NCAM2: variants seen among roughly 807,000 people sequenced by gnomAD.
NCAM2 encodes the protein N-CAM-2.
In NCAM2, 30 loss-of-function variants were observed where a neutral mutation model predicts 98.1. The ratio of observed to expected loss-of-function variants is 0.31; its 90% confidence interval spans 0.23 to 0.41. The LOEUF is 0.41. NCAM2 is among the 10% of genes least tolerant of loss of function. NCAM2 has a pLI of 1.00. For synonymous variants in NCAM2, 368 were observed against 342.4 expected, an observed-to-expected ratio of 1.07 and a Z score of -0.83; for missense variants, 867 against 1,005.8, an observed-to-expected ratio of 0.86 and a Z score of 1.87.
In NCAM2 at chr21:21,534,439, G is replaced by A. The variant is rs1224904265; in HGVS notation, c.2283-98G>A. On this transcript the variant is annotated intron_variant, in intron 16 of 17. Coordinates refer to ENST00000400546, the MANE Select transcript of NCAM2 (RefSeq NM_004540.5). Reference sequence around the variant, plus strand: ...TAAATTAACCAAGTTGGATTTATTTGGAGGAAGGTAGAATTGGGTGATTTT... The same window carrying A: ...TAAATTAACCAAGTTGGATTTATTTAGAGGAAGGTAGAATTGGGTGATTTT... 17 of 1,016,520 alleles carry A rather than the reference G, an allele frequency of 1.7e-5. No homozygotes were observed. In the South Asian group the frequency reaches 2.1e-4, roughly 13 times the overall value. 63.0% of individuals were successfully genotyped at this position (1,016,520 alleles called of 1,614,324 possible). A position where few individuals can be genotyped will look rare whatever the true frequency, so the allele number is the denominator to read the frequency against.
intron 1 of NCAM2, among the ~76,000 whole-genome samples, chr21:21,161,561 T>TTG (rs35510967): frequency 0.014 from 2,027 of 149,514 alleles, 51 homozygotes; most frequent in African/African-American, 0.046. Context: ...GTGCTCTCAT[T>TTG]TGTGTGTGTG....
At chr21:21,532,369 G>C (rs565263900) in intron 16 of NCAM2, among the ~76,000 whole-genome samples, 1 of 151,938 alleles carries the variant, frequency 6.6e-6, no homozygotes, top group African/African-American at 2.4e-5. Context: ...TATCTGTGTA[G>C]AATGTCTCTG....
At chr21:21,265,147 T>G (rs1446118766) in intron 1 of NCAM2, among the ~76,000 whole-genome samples, 1 of 118,968 alleles carries the variant, frequency 8.4e-6, no homozygotes, top group Non-Finnish European at 1.6e-5. Context: ...ATATAATATA[T>G]ATACATATAT....
chr21:21,421,449 ATTTG>A, intron 11 of NCAM2, among the ~76,000 whole-genome samples: 1 of 152,242 alleles, frequency 6.6e-6, no homozygotes, highest in East Asian at 1.9e-4. Flanking sequence ...CAGGCTAAGA[ATTTG>A]TTTTAGAAAA....
chr21:21,082,583 A>G (rs567013879), intron 1 of NCAM2, among the ~76,000 whole-genome samples: 1 of 152,276 alleles, frequency 6.6e-6, no homozygotes, highest in Admixed American at 6.5e-5. Context: ...TACCACTGCT[A>G]TTACATCATT....
At chr21:21,236,710 T>C (rs998755945) in intron 1 of NCAM2, among the ~76,000 whole-genome samples, 2 of 152,106 alleles carry the variant, frequency 1.3e-5, no homozygotes, top group Non-Finnish European at 2.9e-5. Flanking sequence ...GGTAACTTCA[T>C]AGGTCCTCTC....
chr21:21,396,770 G>A (rs184534707), intron 9 of NCAM2, among the ~76,000 whole-genome samples: 136 of 152,276 alleles, frequency 8.9e-4, no homozygotes, highest in African/African-American at 2.9e-3. Context: ...AGTGGTGCCC[G>A]AAAGCTCAGA....
rs1048290221 is a variant in NCAM2, at chr21:21,003,845, G to A, written c.55+5227G>A. Among the ~76,000 whole-genome samples the A allele has an allele frequency of 5.9e-5, 9 of 152,190 alleles. No homozygotes were observed. In the South Asian group the frequency reaches 8.3e-4, roughly 14 times the overall value. ...AGACAGCATTACTAGGAATGGTTGC[G>A]TAGATTGTGTGAAGAACAACTCCAG... is the stretch of plus-strand genomic sequence containing the variant. On this transcript the variant is annotated intron_variant, in intron 1 of 17. Transcript: ENST00000400546.
At chr21:21,283,084 T>C (rs1396620905) in intron 2 of NCAM2, among the ~76,000 whole-genome samples, 1 of 151,940 alleles carries the variant, frequency 6.6e-6, no homozygotes, top group Non-Finnish European at 1.5e-5. Context: ...AATGCATTAC[T>C]CTGTAACAAC....
At chr21:21,482,225 G>A (rs1358611036) in intron 15 of NCAM2, among the ~76,000 whole-genome samples, 1 of 152,100 alleles carries the variant, frequency 6.6e-6, no homozygotes, top group African/African-American at 2.4e-5. Context: ...TCTAGGTTTT[G>A]TGAGGCAATT....
chr21:21,264,581 T>C (rs1023270917), intron 1 of NCAM2, among the ~76,000 whole-genome samples: 2 of 151,580 alleles, frequency 1.3e-5, no homozygotes, highest in Non-Finnish European at 3.0e-5. Context: ...ATAGAAAAGT[T>C]ATAGAATCAA....
At chr21:21,227,289 C>A (rs2070426083) in intron 1 of NCAM2, among the ~76,000 whole-genome samples, 2 of 151,628 alleles carry the variant, frequency 1.3e-5, no homozygotes. Context: ...AAAATGTTCA[C>A]CTAGATCACT....
intron 11 of NCAM2, among the ~76,000 whole-genome samples, chr21:21,431,470 C>T (rs1277233803): frequency 6.6e-6 from 1 of 151,764 alleles, no homozygotes; most frequent in African/African-American, 2.4e-5. Flanking sequence ...ATAAAACACA[C>T]AAGAAGAATT....
At chr21:21,202,710 C>T (rs116876738) in intron 1 of NCAM2, among the ~76,000 whole-genome samples, 2,669 of 152,044 alleles carry the variant, frequency 0.018, 51 homozygotes, top group Admixed American at 0.038. Flanking sequence ...GCCACTGTGC[C>T]GGGCCCATGC....
At chr21:21,485,331 C>T (rs1476219) in intron 15 of NCAM2, among the ~76,000 whole-genome samples, 74,286 of 151,922 alleles carry the variant, frequency 0.49, 18,539 homozygotes, top group Middle Eastern at 0.69. Flanking sequence ...ACATTTTGAG[C>T]TGACCTCAAG....
In NCAM2 at chr21:21,284,190, G is replaced by A. The variant is rs371196089; in HGVS notation, c.131-4G>A. On this transcript the variant is annotated splice_polypyrimidine_tract_variant and splice_region_variant and intron_variant, in intron 2 of 17. Coordinates refer to ENST00000400546, the MANE Select transcript of NCAM2 (RefSeq NM_004540.5). ...AAACCTTTATTTTCCATGGCTCTTT[G>A]CAGCGATTGGTGAACCTGAAAGTAT... is the stretch of plus-strand genomic sequence containing the variant. 4.4e-6 allele frequency: 7 copies of A among 1,605,586 alleles called. No individual in the cohort carries two copies. Among genetic ancestry groups the A allele is most frequent in the Non-Finnish European group, 6.0e-6 (7 of 1,172,822 alleles).
intron 1 of NCAM2, among the ~76,000 whole-genome samples, chr21:21,102,161 T>C (rs1020701938): frequency 2.6e-5 from 4 of 152,086 alleles, no homozygotes; most frequent in Non-Finnish European, 5.9e-5. Context: ...TGCACACTTG[T>C]GTTAAAACAT....
intron 16 of NCAM2, among the ~76,000 whole-genome samples, chr21:21,519,541 T>C (rs1205439695): frequency 6.6e-6 from 1 of 151,340 alleles, no homozygotes; most frequent in East Asian, 2.0e-4. Context: ...TATGCAGTTG[T>C]GCTGTTTATT....
intron 1 of NCAM2, among the ~76,000 whole-genome samples, chr21:21,025,302 G>T (rs2064522252): frequency 6.6e-6 from 1 of 152,070 alleles, no homozygotes; most frequent in Non-Finnish European, 1.5e-5. Context: ...AGCCAGGATG[G>T]TCTCAATCTC....
Sources: allele counts gnomAD v4.1 joint callset (sites outside exome capture counted in the v4.1 genomes callset), GRCh38; gene constraint gnomAD v4.1.1; transcripts MANE v1.5; gene names NCBI Gene and HGNC (gene_info 2026-07-23, HGNC 2026-07-21).